FNDC1: variants seen among roughly 807,000 people sequenced by gnomAD.
FNDC1 encodes fibronectin type III domain containing 1.
Under a neutral mutation model 168.0 loss-of-function variants are expected in FNDC1, and 96 were observed. The observed-to-expected ratio is 0.57, with a 90% CI of 0.48 to 0.68. FNDC1 has a LOEUF of 0.68. Ranked by LOEUF, FNDC1 falls within the 30% of genes least tolerant of loss-of-function variation. The probability of loss-of-function intolerance (pLI) is 0.00; values close to 1 mark genes in which losing one functional copy is unlikely to be tolerated. For synonymous variants in FNDC1, 1,099 were observed against 1,025.9 expected, an observed-to-expected ratio of 1.07 and a Z score of -1.36; for missense variants, 2,587 against 2,482.1, an observed-to-expected ratio of 1.04 and a Z score of -0.90.
In FNDC1 at chr6:159,200,412, T is replaced by C. The variant is rs561886657; in HGVS notation, c.392-101T>C. The C allele has an allele frequency of 4.4e-6, 4 of 910,892 alleles. No individual in the cohort carries two copies. In the South Asian group the frequency reaches 4.9e-5, roughly 11 times the overall value. 56.4% of individuals were successfully genotyped at this position (910,892 alleles called of 1,614,324 possible). ...TGGGCTGAGCAGATCCTTTTGAAGA[T>C]GGTTGAAAAGATCATTTAATTATAC... is the stretch of plus-strand genomic sequence containing the variant. On this transcript the variant is annotated intron_variant, in intron 3 of 22. Coordinates refer to ENST00000297267, the MANE Select transcript of FNDC1 (RefSeq NM_032532.3).
intron 12 of FNDC1, 60 bp from the exon 13 acceptor site, chr6:159,238,494 G>T: frequency 2.6e-6 from 3 of 1,167,262 alleles, no homozygotes; most frequent in Non-Finnish European, 2.5e-6. Context: ...ATATATAATT[G>T]GACTAATGTG....
Position 159,188,049 on chromosome 6 carries a change from G to A in FNDC1, c.110-9382G>A, listed in dbSNP as rs191909825. ...AGATCTGTGTTTTCTTCATTTCAGA[G>A]TCTGGGAAGTATTTGGCGGTTTCCA... On this transcript the variant is annotated intron_variant, in intron 1 of 22. Coordinates refer to ENST00000297267, the MANE Select transcript of FNDC1 (RefSeq NM_032532.3). Among the ~76,000 whole-genome samples the A allele has an allele frequency of 2.2e-3, 330 of 152,342 alleles. 1 individual carries two copies. Among genetic ancestry groups the A allele is most frequent in the Non-Finnish European group, 2.4e-3 (163 of 68,030 alleles).
intron 1 of FNDC1, among the ~76,000 whole-genome samples, chr6:159,178,511 A>C (rs1008124937): frequency 1.3e-5 from 2 of 152,150 alleles, no homozygotes; most frequent in East Asian, 1.9e-4. Flanking sequence ...GTGAAGATGC[A>C]GAAGAGTTCT....
intron 4 of FNDC1, among the ~76,000 whole-genome samples, chr6:159,214,355 G>A (rs1345250610): frequency 6.6e-6 from 1 of 152,170 alleles, no homozygotes; most frequent in Non-Finnish European, 1.5e-5. Context: ...ACTGATTAAT[G>A]TAGCAAGTAA....
chr6:159,204,655 A>G (rs1782453181), intron 4 of FNDC1, among the ~76,000 whole-genome samples: 1 of 152,164 alleles, frequency 6.6e-6, no homozygotes, highest in Non-Finnish European at 1.5e-5. Flanking sequence ...TCGCTCTGCC[A>G]GGACCCCCAG....
At chr6:159,181,727 GT>G (rs1384689352) in intron 1 of FNDC1, among the ~76,000 whole-genome samples, 1 of 152,172 alleles carries the variant, frequency 6.6e-6, no homozygotes. Flanking sequence ...CAAAAAATCA[GT>G]ACTTTTTTTC....
chr6:159,244,650 A>G (rs1229523308), intron 14 of FNDC1, among the ~76,000 whole-genome samples: 1 of 152,216 alleles, frequency 6.6e-6, no homozygotes, highest in Non-Finnish European at 1.5e-5. Flanking sequence ...CCTTAATTAC[A>G]CTGTGGAATG....
chr6:159,179,211 C>A (rs1380137318), intron 1 of FNDC1, among the ~76,000 whole-genome samples: 1 of 152,240 alleles, frequency 6.6e-6, no homozygotes, highest in Non-Finnish European at 1.5e-5. Flanking sequence ...ATAATCCCAG[C>A]ACTTTGGGAA....
At chr6:159,182,578 T>C (rs1215211113) in intron 1 of FNDC1, among the ~76,000 whole-genome samples, 1 of 152,224 alleles carries the variant, frequency 6.6e-6, no homozygotes, top group Non-Finnish European at 1.5e-5. Context: ...CAGCTGATAG[T>C]AAATGCCTGA....
At chr6:159,173,536 G>A (rs1781704725) in intron 1 of FNDC1, among the ~76,000 whole-genome samples, 2 of 152,188 alleles carry the variant, frequency 1.3e-5, no homozygotes. Context: ...GGATTGCAGA[G>A]TGACAATTTG....
intron 8 of FNDC1, 76 bp downstream of exon 8, chr6:159,225,798 TG>T (rs1782944011): frequency 1.5e-6 from 2 of 1,334,292 alleles, no homozygotes; most frequent in Non-Finnish European, 2.0e-6. Context: ...CAATGTAAGA[TG>T]CCAATAGTGA....
chr6:159,265,065 G>T, intron 20 of FNDC1, 61 bp downstream of exon 20: 1 of 1,366,020 alleles, frequency 7.3e-7, no homozygotes, highest in Non-Finnish European at 1.0e-6. Context: ...TTGAATATGA[G>T]ATTGTTGTGA....
At position 159,234,161 on chromosome 6, in the gene FNDC1, G is replaced by A. The variant is rs988331702; in HGVS notation, c.3649G>A (p.Gly1217Arg). The change falls in exon 11 of 23, where the codon GGG (glycine) becomes AGG (arginine). Residue 1217 changes from glycine to arginine, a missense_variant. Transcript: ENST00000297267. ...STPRGGKDAD[G>R]SLAKEEREPA... is the part of the protein sequence containing the mutation. ...TCCCAGGGGCGGCAAAGACGCCGATGGGAGCCTCGCCAAGGAAGAGAGGGA... is the reference window on the plus strand; with the variant it reads ...TCCCAGGGGCGGCAAAGACGCCGATAGGAGCCTCGCCAAGGAAGAGAGGGA... 2 of 1,599,060 alleles carry A rather than the reference G, an allele frequency of 1.3e-6. No homozygotes were observed. The highest frequency in any genetic ancestry group is 2.7e-5 in the African/African-American group (2 of 74,558).
At chr6:159,216,876 C>T (rs1238934775) in intron 5 of FNDC1, among the ~76,000 whole-genome samples, 1 of 152,240 alleles carries the variant, frequency 6.6e-6, no homozygotes, top group Non-Finnish European at 1.5e-5. Flanking sequence ...TTGATTGGGC[C>T]TTCTAGAAGA....
chr6:159,265,123 C>A (rs1777563337), intron 20 of FNDC1, 119 bp downstream of exon 20: 1 of 810,360 alleles, frequency 1.2e-6, no homozygotes, highest in Non-Finnish European at 2.0e-6. Context: ...TTTCTGTCAA[C>A]TTCTATGCTT....
At chr6:159,204,195 G>A (rs898585380) in intron 4 of FNDC1, among the ~76,000 whole-genome samples, 10 of 152,038 alleles carry the variant, frequency 6.6e-5, no homozygotes, top group Admixed American at 1.3e-4. Context: ...AATCGCTTGC[G>A]GACCAGACAT....
rs566798931 is a variant in FNDC1 at position 159,267,121 on chromosome 6, A to G, written c.5447-683A>G. On this transcript the variant is annotated intron_variant, in intron 21 of 22. Coordinates refer to ENST00000297267, the MANE Select transcript of FNDC1 (RefSeq NM_032532.3). ...TGTTGTTTTTCTTTTTCTTGTTAGTAGTGATCATTTAAAAACTATCAAAAC... is the reference window on the plus strand; with the variant it reads ...TGTTGTTTTTCTTTTTCTTGTTAGTGGTGATCATTTAAAAACTATCAAAAC... Among the ~76,000 whole-genome samples the G allele has an allele frequency of 2.6e-5, 4 of 152,290 alleles. No individual in the cohort carries two copies. The East Asian group carries it at 7.7e-4, about 29-fold the overall frequency.
intron 9 of FNDC1, among the ~76,000 whole-genome samples, chr6:159,226,827 T>G (rs940702286): frequency 3.3e-5 from 5 of 152,238 alleles, no homozygotes; most frequent in Non-Finnish European, 7.3e-5. Context: ...TGTTTTTCAT[T>G]GCATGGGTGT....
At position 159,229,963 on chromosome 6, in the gene FNDC1, G is replaced by A; in HGVS notation, c.1329G>A (p.Leu443=). ...FKIRATNRRG[L]GPHSKAFIVA... ...TCCGGGCCACAAACAGGAGAGGCCTGGGACCTCACTCCAAAGCCTTCATTG... is the reference window on the plus strand; with the variant it reads ...TCCGGGCCACAAACAGGAGAGGCCTAGGACCTCACTCCAAAGCCTTCATTG... The change falls in exon 10 of 23, where the codon CTG becomes CTA. Residue 443 remains leucine (L), a synonymous_variant. Transcript: ENST00000297267. The A allele has an allele frequency of 6.2e-7, 1 of 1,613,906 alleles. No homozygotes were observed. Among genetic ancestry groups the A allele is most frequent in the Non-Finnish European group, 8.5e-7 (1 of 1,179,858 alleles).
Sources: gnomAD v4.1 joint callset for allele counts (sites outside exome capture counted in the v4.1 genomes callset) on GRCh38, gnomAD v4.1.1 for gene constraint, MANE v1.5 for transcripts, NCBI Gene and HGNC (gene_info 2026-07-23, HGNC 2026-07-21) for gene names.